Variants in HOXA3 observed in about 807,000 individuals in gnomAD.
The protein encoded by HOXA3 is homeobox A3.
Under a neutral mutation model 30.3 loss-of-function variants are expected in HOXA3, and 8 were observed. The observed-to-expected ratio is 0.26, with a 90% confidence interval of 0.15 to 0.48. The LOEUF (loss-of-function observed/expected upper bound fraction) is 0.48. Among genes scored for constraint, HOXA3 ranks in the 20% least tolerant of loss-of-function variants. The pLI, the probability that HOXA3 is intolerant of heterozygous loss-of-function variation, is 0.99. For missense variants in HOXA3, 653 were observed against 614.4 expected, an observed-to-expected ratio of 1.06 and a Z score of -0.66; for synonymous variants, 323 against 273.1, an observed-to-expected ratio of 1.18 and a Z score of -1.80.
chr7:27,151,659 A>T (rs887874891), intron 1 of HOXA3: 4 of 456,572 alleles, frequency 8.8e-6, no homozygotes, highest in Non-Finnish European at 8.8e-6. Context: ...GCCGGCAACG[A>T]GCGGAGAACT....
At chr7:27,130,493 C>T in intron 2 of HOXA3, 1 of 1,281,358 alleles carries the variant, frequency 7.8e-7, no homozygotes, top group Non-Finnish European at 9.8e-7. Flanking sequence ...TAGGCGGGCT[C>T]GCGGGCGGTC....
intron 1 of HOXA3, chr7:27,145,740 C>T (rs1000312377): frequency 1.2e-6 from 2 of 1,614,206 alleles, no homozygotes; most frequent in South Asian, 1.1e-5. Flanking sequence ...CCACTTCATG[C>T]GGCGGTTCTG....
intron 1 of HOXA3, among the ~76,000 whole-genome samples, chr7:27,149,575 A>G (rs1782898116): frequency 6.6e-6 from 1 of 152,236 alleles, no homozygotes; most frequent in Non-Finnish European, 1.5e-5. Flanking sequence ...TAGCCCGGCA[A>G]CGGGGGCTAC....
chr7:27,145,694 G>T, intron 1 of HOXA3: 1 of 1,614,164 alleles, frequency 6.2e-7, no homozygotes, highest in Admixed American at 1.7e-5. Context: ...CCTCCCCGCT[G>T]GGCTGCGTGG....
At chr7:27,143,942 G>A (rs983292519) in intron 1 of HOXA3, among the ~76,000 whole-genome samples, 5 of 152,228 alleles carry the variant, frequency 3.3e-5, no homozygotes, top group Non-Finnish European at 5.9e-5. Flanking sequence ...AGGGCTCATC[G>A]CCCAGCTTCC....
chr7:27,109,332 A>G (rs1392419854), intron 5 of HOXA3, among the ~76,000 whole-genome samples: 2 of 152,210 alleles, frequency 1.3e-5, no homozygotes, highest in Non-Finnish European at 2.9e-5. Flanking sequence ...TATGTCATCA[A>G]GCAGCCAGCC....
rs745318781 is a variant in HOXA3 at position 27,108,450 on chromosome 7, C to A, written c.797G>T (p.Arg266Leu). The A allele has an allele frequency of 2.5e-5, 41 of 1,614,016 alleles. No individual in the cohort carries two copies. The East Asian group carries it at 8.7e-4, about 34-fold the overall frequency. The change falls in exon 6 of 6, where the codon CGC (arginine) becomes CTC (leucine). Residue 266 changes from arginine to leucine, a missense_variant. Around this residue, in one of 3 missense-constraint regions of HOXA3, gnomAD observed 330 missense variants for 274.4 expected, o/e 1.20. Coordinates refer to ENST00000612286, the MANE Select transcript of HOXA3 (RefSeq NM_153631.3). The surrounding 1 kb of genome is among the most constrained non-coding windows in gnomAD (Gnocchi z 5.0). ...LTSSGGQSPS[R>L]SPVPPGAGGY... ...ACCGGCTCCGGGGGGCACGGGGCTG[C>A]GACTTGGAGACTGGCCCCCCGATGA...
intron 4 of HOXA3, among the ~76,000 whole-genome samples, chr7:27,114,828 A>ATATATATTATATATATAATATATAT (rs1784596914): frequency 1.6e-5 from 1 of 62,356 alleles, no homozygotes; most frequent in Non-Finnish European, 3.2e-5. Context: ...TATATATATA[A>ATATATATTATATATATAATATATAT]TATATATTAT....
intron 4 of HOXA3, chr7:27,115,271 G>A (rs1784655449): frequency 6.6e-6 from 1 of 152,054 alleles, no homozygotes; most frequent in African/African-American, 2.4e-5. Flanking sequence ...TGTCATTTAT[G>A]GCTGGGCAAG....
At chr7:27,152,247 C>A (rs956131908) in intron 1 of HOXA3, 41 bp downstream of exon 1, 1 of 1,242,240 alleles carries the variant, frequency 8.0e-7, no homozygotes, top group South Asian at 1.3e-5. Flanking sequence ...CCGGCTGTCG[C>A]CTCACCACCT....
At chr7:27,145,774 C>G (rs1782737717) in intron 1 of HOXA3, 3 of 1,614,196 alleles carry the variant, frequency 1.9e-6, no homozygotes, top group African/African-American at 1.3e-5. Context: ...ATCTGGCGCT[C>G]GGTGAGGCAG....
chr7:27,147,912 G>A, intron 1 of HOXA3: 1 of 670,340 alleles, frequency 1.5e-6, no homozygotes, highest in Non-Finnish European at 2.5e-6. Context: ...AGCGAACGCC[G>A]GAGCCCGCTC....
At chr7:27,116,500 G>A (rs1385902323) in intron 4 of HOXA3, 1 of 152,182 alleles carries the variant, frequency 6.6e-6, no homozygotes, top group Non-Finnish European at 1.5e-5. Context: ...TATACGTAAT[G>A]GACTCACTTT....
chr7:27,109,109 C>G (rs1372628411), intron 5 of HOXA3, among the ~76,000 whole-genome samples: 3 of 152,160 alleles, frequency 2.0e-5, no homozygotes, highest in Non-Finnish European at 4.4e-5. Context: ...TGTGGGAAAC[C>G]TAATGTACAC....
chr7:27,126,634 C>T (rs1324011447), intron 3 of HOXA3, among the ~76,000 whole-genome samples: 2 of 152,104 alleles, frequency 1.3e-5, no homozygotes, highest in East Asian at 3.8e-4. Context: ...TCATTTGGAT[C>T]ATTTTCTATA....
intron 2 of HOXA3, among the ~76,000 whole-genome samples, chr7:27,132,750 C>G (rs1056465292): frequency 1.3e-5 from 2 of 152,174 alleles, no homozygotes; most frequent in African/African-American, 4.8e-5. Context: ...ATAATATACA[C>G]ATAGGTTATA....
rs922287202 is a variant in HOXA3, at chr7:27,113,766, G to C, written c.-120-3006C>G. 33 of 152,122 alleles carry C rather than the reference G, an allele frequency of 2.2e-4. No individual in the cohort carries two copies. The highest frequency in any genetic ancestry group is 2.2e-3 in the Admixed American group (33 of 15,278). 9.4% of individuals were successfully genotyped at this position (152,122 alleles called of 1,614,324 possible). ...ATCAGCCGAGATGGCAGGCGGGCTG[G>C]AGACCCCGAGGCCCGGTCACCGCCG... On this transcript the variant is annotated intron_variant, in intron 4 of 5. Transcript: ENST00000612286. The surrounding 1 kb of genome is among the most constrained non-coding windows in gnomAD (Gnocchi z 4.8).
At chr7:27,140,032 A>AGAGAGAGAGAGAGAGAGAGAGAGAGAG (rs768977757) in intron 2 of HOXA3, 51 bp downstream of exon 2, 43 of 138,160 alleles carry the variant, frequency 3.1e-4, no homozygotes, top group African/African-American at 7.6e-4. Context: ...AGAGAGAGAG[A>AGAGAGAGAGAGAGAGAGAGAGAGAGAG]AAGTTTCCAA....
In HOXA3 at chr7:27,107,406, T is replaced by C. The variant is rs1254563250; in HGVS notation, c.*509A>G. The C allele has an allele frequency of 6.6e-6, 1 of 152,212 alleles. No homozygotes were observed. The highest frequency in any genetic ancestry group is 2.4e-5 in the African/African-American group (1 of 41,430). 9.4% of individuals were successfully genotyped at this position (152,212 alleles called of 1,614,324 possible). Reference sequence around the variant, plus strand: ...AAATAAATCTGACTGTTCACCAGCATACACACACGGAAAGACGTACACTTA... The same window carrying C: ...AAATAAATCTGACTGTTCACCAGCACACACACACGGAAAGACGTACACTTA... On this transcript the variant is annotated 3_prime_UTR_variant, in exon 6 of 6. Coordinates refer to ENST00000612286, the MANE Select transcript of HOXA3 (RefSeq NM_153631.3).
Sources: allele counts gnomAD v4.1 joint callset (sites outside exome capture counted in the v4.1 genomes callset), GRCh38; gene constraint gnomAD v4.1.1; regional missense constraint gnomAD v4.1.1; non-coding constraint Gnocchi (gnomAD v3.1); transcripts MANE v1.5; gene names NCBI Gene and HGNC (gene_info 2026-07-23, HGNC 2026-07-21).